The following SCARB1 variants were observed in gnomAD, a reference collection of about 807,000 sequenced individuals.
The protein encoded by SCARB1 is CD36 and LIMPII analogous 1.
In SCARB1, 30 loss-of-function variants were observed where a neutral mutation model predicts 57.2. That is an observed-to-expected ratio of 0.52 (90% CI 0.39 to 0.71). SCARB1 has a LOEUF of 0.71. Ranked by LOEUF, SCARB1 falls within the 30% of genes least tolerant of loss-of-function variation. The probability of loss-of-function intolerance (pLI) is 0.00; values close to 1 mark genes in which losing one functional copy is unlikely to be tolerated. For missense variants in SCARB1, 543 were observed against 671.2 expected, an observed-to-expected ratio of 0.81 and a Z score of 2.11; for synonymous variants, 249 against 268.3, an observed-to-expected ratio of 0.93 and a Z score of 0.70.
At chr12:124,821,174 G>T (rs1950941963) in intron 1 of SCARB1, among the ~76,000 whole-genome samples, 2 of 151,810 alleles carry the variant, frequency 1.3e-5, no homozygotes, top group East Asian at 1.9e-4. Flanking sequence ...GGAAGCAGAG[G>T]TTGCAGCAAT....
intron 7 of SCARB1, among the ~76,000 whole-genome samples, chr12:124,802,147 C>CT (rs1222756376): frequency 3.2e-5 from 2 of 63,450 alleles, no homozygotes; most frequent in Non-Finnish European, 7.2e-5. Flanking sequence ...AAGACTGTGT[C>CT]TCAAAAAAAA....
At chr12:124,858,622 G>T (rs1195938556) in intron 1 of SCARB1, among the ~76,000 whole-genome samples, 8 of 151,988 alleles carry the variant, frequency 5.3e-5, no homozygotes, top group African/African-American at 1.9e-4. Flanking sequence ...GCTCACACCT[G>T]TAATCCCAGC....
chr12:124,779,040 T>C (rs1872871889), intron 12 of SCARB1, among the ~76,000 whole-genome samples: 2 of 152,154 alleles, frequency 1.3e-5, no homozygotes, highest in Non-Finnish European at 2.9e-5. Flanking sequence ...GGCCTTGAAC[T>C]CCTGGGCTCA....
intron 1 of SCARB1, among the ~76,000 whole-genome samples, chr12:124,862,093 C>T (rs4371014): frequency 0.084 from 12,819 of 152,248 alleles, 640 homozygotes; most frequent in Middle Eastern, 0.24. Flanking sequence ...ACCCTGCATA[C>T]ACACAGTGGG....
At chr12:124,795,115 CTG>C (rs1053053143) in intron 9 of SCARB1, 78 bp downstream of exon 9, 60 of 1,205,818 alleles carry the variant, frequency 5.0e-5, no homozygotes, top group Non-Finnish European at 6.2e-6. Context: ...GGGTATGTCA[CTG>C]GAGTCTGGGA....
intron 2 of SCARB1, among the ~76,000 whole-genome samples, chr12:124,816,152 G>A (rs552104772): frequency 1.1e-4 from 16 of 152,224 alleles, no homozygotes; most frequent in Middle Eastern, 3.4e-3. Flanking sequence ...CAGTCAGACC[G>A]AGCCCCAAGG....
intron 1 of SCARB1, among the ~76,000 whole-genome samples, chr12:124,841,319 C>T (rs990166441): frequency 6.7e-6 from 1 of 148,644 alleles, no homozygotes; most frequent in Non-Finnish European, 1.5e-5. Flanking sequence ...TTGCAGTGAG[C>T]GGAGATTGCG....
chr12:124,783,239 G>A (rs1949382397), intron 11 of SCARB1: 1 of 229,468 alleles, frequency 4.4e-6, no homozygotes, highest in Non-Finnish European at 8.6e-6. Context: ...TAATTTTTGA[G>A]ACAGGATCTC....
chr12:124,840,533 T>C (rs1442793826), intron 1 of SCARB1, among the ~76,000 whole-genome samples: 1 of 152,106 alleles, frequency 6.6e-6, no homozygotes, highest in Admixed American at 6.5e-5. Context: ...TGTCTGACTC[T>C]TGTTGTTGAG....
At chr12:124,804,481 G>C (rs1247561902) in intron 7 of SCARB1, among the ~76,000 whole-genome samples, 1 of 152,186 alleles carries the variant, frequency 6.6e-6, no homozygotes, top group Non-Finnish European at 1.5e-5. Context: ...GTGCCCTTTT[G>C]GCCTAAATCA....
intron 1 of SCARB1, among the ~76,000 whole-genome samples, chr12:124,825,088 G>A (rs1951087008): frequency 6.6e-6 from 1 of 151,968 alleles, no homozygotes. Flanking sequence ...AGCCAGGCGT[G>A]GTGGCAGATG....
intron 7 of SCARB1, among the ~76,000 whole-genome samples, chr12:124,804,759 C>T (rs1361216191): frequency 6.6e-6 from 1 of 152,222 alleles, no homozygotes; most frequent in Non-Finnish European, 1.5e-5. Flanking sequence ...CTCCTGACCC[C>T]TGTTGCAGAC....
At chr12:124,853,397 T>C (rs1032246140) in intron 1 of SCARB1, among the ~76,000 whole-genome samples, 1 of 149,692 alleles carries the variant, frequency 6.7e-6, no homozygotes, top group East Asian at 1.9e-4. Context: ...TTTGTTTTTT[T>C]TTTTTTTTTT....
intron 2 of SCARB1, among the ~76,000 whole-genome samples, chr12:124,816,779 G>A (rs914536384): frequency 6.6e-6 from 1 of 152,096 alleles, no homozygotes; most frequent in Admixed American, 6.5e-5. Flanking sequence ...GAGTGTCCCG[G>A]TGACCCCATG....
intron 1 of SCARB1, among the ~76,000 whole-genome samples, chr12:124,855,763 T>TG (rs969594499): frequency 6.6e-6 from 1 of 152,166 alleles, no homozygotes; most frequent in African/African-American, 2.4e-5. Context: ...GGTTCAGCCT[T>TG]GGGGGGTGTG....
chr12:124,811,750 G>C, intron 5 of SCARB1, 120 bp downstream of exon 5: 1 of 724,964 alleles, frequency 1.4e-6, no homozygotes, highest in Admixed American at 2.0e-5. Flanking sequence ...CATCCTCCCA[G>C]CACCCTCTTC....
intron 1 of SCARB1, among the ~76,000 whole-genome samples, chr12:124,819,726 C>A (rs1207826922): frequency 6.6e-6 from 1 of 152,242 alleles, no homozygotes. Context: ...CAAGGACAGC[C>A]AGAACCAACA....
In SCARB1 at chr12:124,812,010, A is replaced by G; in HGVS notation, c.631-45T>C. 1.4e-6 allele frequency: 2 copies of G among 1,446,974 alleles called. No homozygotes were observed. The highest frequency in any genetic ancestry group is 1.2e-5 in the South Asian group (1 of 83,660). The allele number at this position is 1,446,974 out of a possible 1,614,324, so 89.6% of individuals were successfully genotyped here. ...CAGCATCGTAAGGCTTAGGCCTGCC[A>G]TTGAGCCGGCCTGGTCTGAACATTC... On this transcript the variant is annotated intron_variant, in intron 4 of 12. Coordinates refer to ENST00000261693, the MANE Select transcript of SCARB1 (RefSeq NM_005505.5). The surrounding 1 kb of genome is among the most constrained non-coding windows in gnomAD (Gnocchi z 4.3).
At chr12:124,836,748 C>T (rs12827828) in intron 1 of SCARB1, among the ~76,000 whole-genome samples, 42,716 of 152,074 alleles carry the variant, frequency 0.28, 6,513 homozygotes, top group East Asian at 0.42. Context: ...GAGCCATGAT[C>T]GTGCCACTGT....
Sources: allele counts gnomAD v4.1 joint callset (sites outside exome capture counted in the v4.1 genomes callset), GRCh38; gene constraint gnomAD v4.1.1; non-coding constraint Gnocchi (gnomAD v3.1); transcripts MANE v1.5; gene names NCBI Gene and HGNC (gene_info 2026-07-23, HGNC 2026-07-21).